The following LDLRAD3 variants were observed in gnomAD, a reference collection of about 807,000 sequenced individuals.
The protein encoded by LDLRAD3 is low-density lipoprotein receptor class A domain-containing protein 3.
A neutral mutation model predicts 29.4 loss-of-function variants in LDLRAD3; 20 were observed. The observed-to-expected ratio is 0.68, with a 90% CI of 0.48 to 0.99. LDLRAD3 has a LOEUF of 0.99. Among genes scored for constraint, LDLRAD3 ranks in the 50% least tolerant of loss-of-function variants. The pLI, the probability that LDLRAD3 is intolerant of heterozygous loss-of-function variation, is 0.00. For synonymous variants in LDLRAD3, 157 were observed against 192.7 expected, an observed-to-expected ratio of 0.81 and a Z score of 1.53; for missense variants, 420 against 454.3, an observed-to-expected ratio of 0.92 and a Z score of 0.69.
At chr11:36,168,498 C>CTTTTTTT (rs5791083) in intron 4 of LDLRAD3, among the ~76,000 whole-genome samples, 31 of 115,734 alleles carry the variant, frequency 2.7e-4, no homozygotes, top group African/African-American at 3.9e-4. Context: ...TTTCTTTCTT[C>CTTTTTTT]TTTTTTTTTT....
intron 4 of LDLRAD3, among the ~76,000 whole-genome samples, chr11:36,215,244 T>G (rs917169285): frequency 1.3e-5 from 2 of 151,862 alleles, no homozygotes; most frequent in Non-Finnish European, 2.9e-5. Flanking sequence ...GAAGTCAGAG[T>G]AGCAACGGGG....
chr11:36,186,245 A>G (rs1438384860), intron 4 of LDLRAD3, among the ~76,000 whole-genome samples: 1 of 152,228 alleles, frequency 6.6e-6, no homozygotes, highest in Non-Finnish European at 1.5e-5. Context: ...TGGTGGTGTT[A>G]TACAGATCAA....
At chr11:36,013,677 T>C (rs185830956) in intron 1 of LDLRAD3, among the ~76,000 whole-genome samples, 6 of 152,342 alleles carry the variant, frequency 3.9e-5, no homozygotes, top group Admixed American at 3.9e-4. Flanking sequence ...ATGGTATATA[T>C]GTGCCATATT....
intron 4 of LDLRAD3, among the ~76,000 whole-genome samples, chr11:36,124,442 G>A (rs1853805802): frequency 6.6e-6 from 1 of 152,150 alleles, no homozygotes; most frequent in Non-Finnish European, 1.5e-5. Flanking sequence ...TAAGGGTAGT[G>A]AGACCCAGAG....
intron 4 of LDLRAD3, among the ~76,000 whole-genome samples, chr11:36,169,123 G>A (rs1565275284): frequency 6.6e-6 from 1 of 152,008 alleles, no homozygotes; most frequent in African/African-American, 2.4e-5. Context: ...GCTCCTCCTG[G>A]GGCAAAACAA....
intron 4 of LDLRAD3, among the ~76,000 whole-genome samples, chr11:36,182,334 A>G (rs12802606): frequency 0.039 from 5,987 of 152,178 alleles, 392 homozygotes; most frequent in African/African-American, 0.13. Context: ...ACCAAGAGGT[A>G]TATAGGTTTG....
chr11:36,056,083 C>T (rs1482486817), intron 2 of LDLRAD3, among the ~76,000 whole-genome samples: 3 of 147,638 alleles, frequency 2.0e-5, no homozygotes, highest in Non-Finnish European at 4.4e-5. Flanking sequence ...GCAGCCTCTG[C>T]CTCCCAGGTT....
At chr11:35,999,170 A>G (rs1453417569) in intron 1 of LDLRAD3, among the ~76,000 whole-genome samples, 1 of 152,204 alleles carries the variant, frequency 6.6e-6, no homozygotes, top group Non-Finnish European at 1.5e-5. Flanking sequence ...TAGTGGCAGA[A>G]TGTGTGTGTT....
intron 1 of LDLRAD3, among the ~76,000 whole-genome samples, chr11:36,011,399 T>C (rs1851953588): frequency 6.6e-6 from 1 of 152,130 alleles, no homozygotes; most frequent in African/African-American, 2.4e-5. Flanking sequence ...TATAAATATC[T>C]TGTTCCATGG....
intron 4 of LDLRAD3, among the ~76,000 whole-genome samples, chr11:36,194,590 T>G (rs1218498833): frequency 2.0e-5 from 3 of 152,184 alleles, no homozygotes; most frequent in African/African-American, 7.2e-5. Context: ...ACAGTCCTAT[T>G]CTCCATGGGT....
intron 4 of LDLRAD3, among the ~76,000 whole-genome samples, chr11:36,099,429 T>G (rs4756272): frequency 0.26 from 39,025 of 152,112 alleles, 5,113 homozygotes; most frequent in East Asian, 0.35. Context: ...ATGTAATCTT[T>G]CCTATTTTCA....
intron 3 of LDLRAD3, among the ~76,000 whole-genome samples, chr11:36,085,349 T>TTG (rs1853179437): frequency 6.3e-5 from 3 of 47,634 alleles, no homozygotes; most frequent in Admixed American, 1.9e-4. Context: ...CTTTGAACTG[T>TTG]TTTTTTTTTT....
At chr11:36,203,300 A>T (rs1855154806) in intron 4 of LDLRAD3, among the ~76,000 whole-genome samples, 1 of 152,174 alleles carries the variant, frequency 6.6e-6, no homozygotes, top group Non-Finnish European at 1.5e-5. Flanking sequence ...ACCATGTCTG[A>T]TCTTCACAAA....
At chr11:36,205,368 G>A (rs1393900840) in intron 4 of LDLRAD3, among the ~76,000 whole-genome samples, 1 of 152,116 alleles carries the variant, frequency 6.6e-6, no homozygotes, top group Non-Finnish European at 1.5e-5. Flanking sequence ...TGAATTCCAA[G>A]GAGTAGGACA....
chr11:35,980,380 G>A (rs1851525828), intron 1 of LDLRAD3, among the ~76,000 whole-genome samples: 1 of 152,132 alleles, frequency 6.6e-6, no homozygotes, highest in Non-Finnish European at 1.5e-5. Flanking sequence ...TCCACTGGTA[G>A]ATTAGTTAGT....
intron 4 of LDLRAD3, among the ~76,000 whole-genome samples, chr11:36,152,185 A>G (rs1699706687): frequency 6.6e-6 from 1 of 152,220 alleles, no homozygotes; most frequent in Non-Finnish European, 1.5e-5. Flanking sequence ...GAATCCATAG[A>G]TGAGTCTCAC....
chr11:36,016,761 G>A (rs1852027907), intron 1 of LDLRAD3, among the ~76,000 whole-genome samples: 1 of 152,126 alleles, frequency 6.6e-6, no homozygotes, highest in Non-Finnish European at 1.5e-5. Flanking sequence ...CATCTCTAGC[G>A]ATGAACAAAC....
chr11:36,021,304 G>T (rs1336562367), intron 1 of LDLRAD3, among the ~76,000 whole-genome samples: 1 of 152,170 alleles, frequency 6.6e-6, no homozygotes, highest in East Asian at 1.9e-4. Context: ...TGTTTAAGCA[G>T]TTGGGAGCAA....
intron 1 of LDLRAD3, among the ~76,000 whole-genome samples, chr11:35,999,900 C>G (rs1851801804): frequency 6.6e-6 from 1 of 152,214 alleles, no homozygotes; most frequent in African/African-American, 2.4e-5. Context: ...CAGAGAAGGT[C>G]TCTGCCTGTG....
Sources: gnomAD v4.1 joint callset for allele counts (sites outside exome capture counted in the v4.1 genomes callset) on GRCh38, gnomAD v4.1.1 for gene constraint, MANE v1.5 for transcripts, NCBI Gene and HGNC (gene_info 2026-07-23, HGNC 2026-07-21) for gene names.